ITLN1: variants seen among roughly 807,000 people sequenced by gnomAD.
ITLN1 encodes the protein intelectin 1.
In ITLN1, 29 loss-of-function variants were observed where a neutral mutation model predicts 36.2. That is an observed-to-expected ratio of 0.80 (90% confidence interval 0.60 to 1.09). The LOEUF is 1.09. ITLN1 is among the 50% of genes least tolerant of loss of function. ITLN1 has a pLI of 0.00. For synonymous variants in ITLN1, 143 were observed against 146.5 expected (o/e 0.98, Z 0.17); for missense variants, 358 against 405.2 (o/e 0.88, Z 1.00).
intron 5 of ITLN1, among the ~76,000 whole-genome samples, chr1:160,880,912 T>G (rs986518578): frequency 2.6e-5 from 4 of 152,132 alleles, no homozygotes; most frequent in African/African-American, 9.7e-5. Context: ...CTGGACCACT[T>G]CATTATCTCT....
At position 160,876,901 on chromosome 1, in the gene ITLN1, C is replaced by A. The variant is rs1052233858; in HGVS notation, c.790-85G>T. On this transcript the variant is annotated intron_variant, in intron 7 of 7. Transcript: ENST00000326245. ...TCTTAACAGCTGAATCCAGTGATTT[C>A]TTTGGTCCTCATCAGACTCTCCATT... is the stretch of plus-strand genomic sequence containing the variant. The A allele has an allele frequency of 1.4e-4, 195 of 1,385,850 alleles. 1 individual carries two copies. The African/African-American group carries it at 2.0e-3, about 14-fold the overall frequency. The allele number at this position is 1,385,850 out of a possible 1,614,324, so 85.8% of individuals were successfully genotyped here. A position where few individuals can be genotyped will look rare whatever the true frequency, so the allele number is the denominator to read the frequency against.
chr1:160,881,083 C>A, intron 5 of ITLN1, 71 bp downstream of exon 5: 2 of 1,485,044 alleles, frequency 1.3e-6, no homozygotes, highest in Admixed American at 4.5e-5. Flanking sequence ...AAAAATGACT[C>A]CTGCCCAACC....
intron 6 of ITLN1, among the ~76,000 whole-genome samples, chr1:160,880,147 A>G (rs1214832919): frequency 6.6e-6 from 1 of 152,114 alleles, no homozygotes; most frequent in Non-Finnish European, 1.5e-5. Context: ...TCTACTAAAA[A>G]TACAAAAATC....
At chr1:160,881,893 A>C in intron 4 of ITLN1, 64 bp downstream of exon 4, 2 of 1,609,898 alleles carry the variant, frequency 1.2e-6, no homozygotes, top group Non-Finnish European at 1.7e-6. Context: ...TCCCTCCTGC[A>C]GGCTTGTGGC....
chr1:160,879,356 G>A lies in ITLN1; in HGVS notation c.744C>T (p.Asn248=), dbSNP rs373704009. Residue 248 remains asparagine (N), a synonymous_variant, in exon 7 of 8, where the codon AAC becomes AAT. Coordinates refer to ENST00000326245, the MANE Select transcript of ITLN1 (RefSeq NM_017625.3). ...FRVFNNERAA[N]ALCAGMRVTG... is the part of the protein sequence containing the mutation. ...TGACCCTCATTCCAGCACACAAGGC[G>A]TTGGCTGCTCTCTCGTTATTAAATA... 58 of 1,613,996 alleles carry A rather than the reference G, an allele frequency of 3.6e-5. No individual in the cohort carries two copies. The highest frequency in any genetic ancestry group is 4.2e-5 in the Non-Finnish European group (50 of 1,180,000).
chr1:160,881,129 A>G, intron 5 of ITLN1, 25 bp downstream of exon 5: 1 of 1,575,844 alleles, frequency 6.3e-7, no homozygotes. Flanking sequence ...CATGAAAACC[A>G]GTCCCAGCCA....
rs1274776723 is a variant in ITLN1 at position 160,876,640 on chromosome 1, T to TCTGG, written c.*20_*23dup. On this transcript the variant is annotated 3_prime_UTR_variant, in exon 8 of 8. Coordinates refer to ENST00000326245, the MANE Select transcript of ITLN1 (RefSeq NM_017625.3). ...GGGATCTCATGGTTGGGAGGAGAGGTCTGGGTTCCCTCCCACAAAACTCTC... is the reference window on the plus strand; with the variant it reads ...GGGATCTCATGGTTGGGAGGAGAGGTCTGGCTGGGTTCCCTCCCACAAAACTCTC... 6.2e-7 allele frequency: 1 copy of TCTGG among 1,612,978 alleles called. No individual in the cohort carries two copies. The highest frequency in any genetic ancestry group is 1.1e-5 in the South Asian group (1 of 90,964).
rs186776672 is a variant in ITLN1, at chr1:160,876,648, C to G, written c.*16G>C. 4.3e-6 allele frequency: 7 copies of G among 1,613,510 alleles called. No homozygotes were observed. Among genetic ancestry groups the G allele is most frequent in the Non-Finnish European group, 5.9e-6 (7 of 1,179,632 alleles). ...ATGGTTGGGAGGAGAGGTCTGGGTT[C>G]CCTCCCACAAAACTCTCAACGATAG... On this transcript the variant is annotated 3_prime_UTR_variant, in exon 8 of 8. Transcript: ENST00000326245.
At chr1:160,877,662 C>T (rs1670611685) in intron 7 of ITLN1, among the ~76,000 whole-genome samples, 1 of 152,232 alleles carries the variant, frequency 6.6e-6, no homozygotes, top group African/African-American at 2.4e-5. Context: ...TCTATACTTC[C>T]TTGCCCATCC....
At chr1:160,882,532 G>A (rs922048682) in intron 3 of ITLN1, among the ~76,000 whole-genome samples, 1 of 152,210 alleles carries the variant, frequency 6.6e-6, no homozygotes, top group Non-Finnish European at 1.5e-5. Flanking sequence ...TTTTACACCA[G>A]TGTTCATTGC....
intron 7 of ITLN1, 111 bp from the exon 8 acceptor site, chr1:160,876,927 G>T: frequency 9.2e-7 from 1 of 1,088,690 alleles, no homozygotes. Context: ...ACTCTCCATT[G>T]ACAGTGTTGA....
chr1:160,880,775 GA>G (rs753138269), intron 5 of ITLN1, 67 bp from the exon 6 acceptor site: 102 of 1,558,652 alleles, frequency 6.5e-5, no homozygotes, highest in Non-Finnish European at 8.6e-5. Flanking sequence ...CATCTCCTGG[GA>G]TGCTGCCATT....
At chr1:160,878,665 G>A (rs899097465) in intron 7 of ITLN1, among the ~76,000 whole-genome samples, 8 of 152,110 alleles carry the variant, frequency 5.3e-5, no homozygotes, top group South Asian at 2.1e-4. Context: ...GATTACAGGC[G>A]GGAGCCACCA....
chr1:160,877,423 G>A (rs1006770560), intron 7 of ITLN1, among the ~76,000 whole-genome samples: 2 of 152,026 alleles, frequency 1.3e-5, no homozygotes, highest in African/African-American at 4.8e-5. Flanking sequence ...GACCACTGTG[G>A]CCTCAATTAC....
chr1:160,877,825 G>T (rs1426048778), intron 7 of ITLN1, among the ~76,000 whole-genome samples: 1 of 152,176 alleles, frequency 6.6e-6, no homozygotes, highest in East Asian at 1.9e-4. Flanking sequence ...GCTCCTTGAT[G>T]CCGTCCTCAT....
chr1:160,880,567 A>G (rs1433340634), intron 6 of ITLN1, 21 bp downstream of exon 6: 1 of 1,613,002 alleles, frequency 6.2e-7, no homozygotes, highest in Admixed American at 1.7e-5. Context: ...CCAGGAGTTC[A>G]GAGGATCATT....
Position 160,881,309 on chromosome 1 carries a change from G to A in ITLN1, c.409C>T (p.Pro137Ser). Residue 137 changes from proline to serine, a missense_variant, in exon 5 of 8, where the codon CCT becomes TCT. Physicochemically the swap from Pro to Ser is moderately conservative, Grantham distance 74 (BLOSUM62 -1). Coordinates refer to ENST00000326245, the MANE Select transcript of ITLN1 (RefSeq NM_017625.3). Reference sequence around the variant, plus strand: ...TTGGCCTGGATGTCGTAGTAGCCAGGGTTCTGGAAAGCAACAGACACTGAG... The same window carrying A: ...TTGGCCTGGATGTCGTAGTAGCCAGAGTTCTGGAAAGCAACAGACACTGAG... The part of the protein sequence containing the change: ...EAATSDDYKN[P>S]GYYDIQAKDL... 6.3e-7 allele frequency: 1 copy of A among 1,589,394 alleles called. No homozygotes were observed. Among genetic ancestry groups the A allele is most frequent in the Non-Finnish European group, 8.6e-7 (1 of 1,167,504 alleles).
chr1:160,881,147 T>C lies in ITLN1; in HGVS notation c.564+7A>G, dbSNP rs762770225. On this transcript the variant is annotated splice_region_variant and intron_variant, in intron 5 of 7. Coordinates refer to ENST00000326245, the MANE Select transcript of ITLN1 (RefSeq NM_017625.3). Reference sequence around the variant, plus strand: ...GAAAACCAGTCCCAGCCAGCAGCCTTCTGTACCTGGTAGATGCCAAACAGA... The same window carrying C: ...GAAAACCAGTCCCAGCCAGCAGCCTCCTGTACCTGGTAGATGCCAAACAGA... The C allele has an allele frequency of 6.2e-7, 1 of 1,602,486 alleles. No individual in the cohort carries two copies. The highest frequency in any genetic ancestry group is 8.5e-7 in the Non-Finnish European group (1 of 1,173,974).
At chr1:160,881,804 GAAAAAAA>G (rs56380748) in intron 4 of ITLN1, among the ~76,000 whole-genome samples, 146 bp downstream of exon 4, 81,976 of 125,438 alleles carry the variant, frequency 0.65, 25,790 homozygotes, top group Admixed American at 0.73. Flanking sequence ...TCCGTCTCAA[GAAAAAAA>G]AAAAAAAAAA....
Sources: gnomAD v4.1 joint callset for allele counts (sites outside exome capture counted in the v4.1 genomes callset) on GRCh38, gnomAD v4.1.1 for gene constraint, MANE v1.5 for transcripts, NCBI Gene and HGNC (gene_info 2026-07-23, HGNC 2026-07-21) for gene names.